RAD18: variants seen among roughly 807,000 people sequenced by gnomAD.
RAD18 encodes the protein RAD18 E3 ubiquitin protein ligase.
In RAD18, 47 loss-of-function variants were observed where a neutral mutation model predicts 60.4. The observed-to-expected ratio is 0.78, with a 90% CI of 0.62 to 0.99. The LOEUF is 0.99. Among genes scored for constraint, RAD18 ranks in the 50% least tolerant of loss-of-function variants. RAD18 has a pLI of 0.00. For missense variants in RAD18, 640 were observed against 593.3 expected (o/e 1.08, Z -0.82); for synonymous variants, 225 against 195.5 (o/e 1.15, Z -1.26).
At chr3:8,916,921 C>T (rs1425696981) in intron 7 of RAD18, among the ~76,000 whole-genome samples, 1 of 151,938 alleles carries the variant, frequency 6.6e-6, no homozygotes. Context: ...GAGAAGAAAT[C>T]GTTGAAGAAC....
At chr3:8,916,439 G>A (rs1940201219) in intron 7 of RAD18, among the ~76,000 whole-genome samples, 1 of 152,140 alleles carries the variant, frequency 6.6e-6, no homozygotes, top group South Asian at 2.1e-4. Context: ...CAGGCTCATA[G>A]GGAAAACCTA....
intron 6 of RAD18, 103 bp downstream of exon 6, chr3:8,939,451 G>C: frequency 1.1e-6 from 1 of 928,006 alleles, no homozygotes; most frequent in South Asian, 1.7e-5. Flanking sequence ...GTAAGAGCAG[G>C]AAATACGGTC....
chr3:8,945,468 C>CTTTTTTT (rs375744764), intron 4 of RAD18, among the ~76,000 whole-genome samples: 116 of 96,390 alleles, frequency 1.2e-3, no homozygotes, highest in South Asian at 2.6e-3. Flanking sequence ...TTTCCATCTT[C>CTTTTTTT]TTTTTTTTTT....
At chr3:8,922,250 T>C (rs1480930270) in intron 7 of RAD18, among the ~76,000 whole-genome samples, 1 of 152,248 alleles carries the variant, frequency 6.6e-6, no homozygotes, top group Non-Finnish European at 1.5e-5. Context: ...ACTACTGCAC[T>C]TCTCCAACGG....
intron 7 of RAD18, among the ~76,000 whole-genome samples, chr3:8,917,430 G>A (rs1056905032): frequency 3.9e-5 from 6 of 152,066 alleles, no homozygotes; most frequent in Non-Finnish European, 8.8e-5. Context: ...TACTCTAAAA[G>A]ATAACTGTTT....
intron 12 of RAD18, among the ~76,000 whole-genome samples, chr3:8,885,808 G>A (rs1487747442): frequency 6.6e-6 from 1 of 152,178 alleles, no homozygotes; most frequent in African/African-American, 2.4e-5. Flanking sequence ...TGTTCATTCT[G>A]GGGTGGAGAC....
chr3:8,959,841 C>A, intron 1 of RAD18, among the ~76,000 whole-genome samples: 1 of 145,556 alleles, frequency 6.9e-6, no homozygotes, highest in African/African-American at 2.6e-5. Context: ...CACATCGCAC[C>A]ACTATACTCC....
At chr3:8,913,826 T>C in intron 7 of RAD18, 106 bp from the exon 8 acceptor site, 1 of 597,770 alleles carries the variant, frequency 1.7e-6, no homozygotes, top group South Asian at 3.6e-5. Flanking sequence ...GTGATGGGTA[T>C]ATGTGAACTC....
intron 11 of RAD18, among the ~76,000 whole-genome samples, chr3:8,892,165 A>G (rs1200921158): frequency 6.6e-6 from 1 of 152,216 alleles, no homozygotes; most frequent in East Asian, 1.9e-4. Context: ...CTGGGGTCAG[A>G]GCATATACAA....
rs761573964 is a variant in RAD18, at chr3:8,939,634, C to T, written c.624G>A (p.Gly208=). ...QVTKVDCPVC[G]VNIPESHINK... ...TAATGTGACTTTCTGGAATGTTAACCCCGCAAACAGGACAATCCACTGTAT... is the reference window on the plus strand; with the variant it reads ...TAATGTGACTTTCTGGAATGTTAACTCCGCAAACAGGACAATCCACTGTAT... The change falls in exon 6 of 13, where the codon GGG becomes GGA. Residue 208 remains glycine (G), a synonymous_variant. Coordinates refer to ENST00000264926, the MANE Select transcript of RAD18 (RefSeq NM_020165.4). The T allele has an allele frequency of 6.2e-7, 1 of 1,611,958 alleles. No individual in the cohort carries two copies. Among genetic ancestry groups the T allele is most frequent in the East Asian group, 2.2e-5 (1 of 44,810 alleles).
chr3:8,933,606 T>C (rs1940598263), intron 7 of RAD18, among the ~76,000 whole-genome samples: 1 of 152,186 alleles, frequency 6.6e-6, no homozygotes, highest in Non-Finnish European at 1.5e-5. Flanking sequence ...CGTGTACCAC[T>C]GCATCAAAAA....
At chr3:8,918,036 G>T (rs1940238103) in intron 7 of RAD18, among the ~76,000 whole-genome samples, 1 of 152,158 alleles carries the variant, frequency 6.6e-6, no homozygotes, top group African/African-American at 2.4e-5. Flanking sequence ...TGAAATTAGG[G>T]GCCGGGCGCA....
intron 6 of RAD18, among the ~76,000 whole-genome samples, chr3:8,937,780 C>T (rs1417983335): frequency 2.0e-5 from 3 of 152,170 alleles, no homozygotes; most frequent in Non-Finnish European, 4.4e-5. Flanking sequence ...TAGGACTTCT[C>T]AAAGCCTTTA....
intron 6 of RAD18, among the ~76,000 whole-genome samples, chr3:8,938,131 T>C (rs774963300): frequency 2.0e-5 from 3 of 152,174 alleles, no homozygotes; most frequent in Non-Finnish European, 4.4e-5. Flanking sequence ...AAATAATCCT[T>C]AGGACTATTC....
chr3:8,889,149 C>T (rs1939636403), intron 12 of RAD18, among the ~76,000 whole-genome samples: 1 of 152,190 alleles, frequency 6.6e-6, no homozygotes, highest in East Asian at 1.9e-4. Flanking sequence ...CCCAGTGATT[C>T]AGCTATGAAA....
chr3:8,959,481 C>T (rs1206786371), intron 1 of RAD18, among the ~76,000 whole-genome samples: 1 of 152,186 alleles, frequency 6.6e-6, no homozygotes, highest in African/African-American at 2.4e-5. Context: ...AAACTGGTAT[C>T]AAAAGCAGGC....
intron 7 of RAD18, among the ~76,000 whole-genome samples, chr3:8,925,564 G>C (rs1189867094): frequency 6.6e-6 from 1 of 152,112 alleles, no homozygotes; most frequent in African/African-American, 2.4e-5. Context: ...CATTTTATGA[G>C]ACCAGCATCA....
At position 8,878,736 on chromosome 3, in the gene RAD18, G is replaced by C. The variant is rs1939407236; in HGVS notation, c.*2621C>G. 6.6e-6 allele frequency: 1 copy of C among 152,188 alleles called. No individual in the cohort carries two copies. The highest frequency in any genetic ancestry group is 2.1e-4 in the South Asian group (1 of 4,822). The allele number at this position is 152,188 out of a possible 1,614,324, so 9.4% of individuals were successfully genotyped here. On this transcript the variant is annotated 3_prime_UTR_variant, in exon 13 of 13. Coordinates refer to ENST00000264926, the MANE Select transcript of RAD18 (RefSeq NM_020165.4). ...AGAGTAGAGGATGAAAGGACGGCCT[G>C]GCATACTAGGCCATCTAAAGTGCAT...
At chr3:8,890,172 T>G (rs1049862965) in intron 12 of RAD18, 5 of 542,212 alleles carry the variant, frequency 9.2e-6, no homozygotes, top group Admixed American at 3.1e-5. Flanking sequence ...CATACAGAAA[T>G]AACATCTGAT....
Sources: allele counts gnomAD v4.1 joint callset (sites outside exome capture counted in the v4.1 genomes callset), GRCh38; gene constraint gnomAD v4.1.1; transcripts MANE v1.5; gene names NCBI Gene and HGNC (gene_info 2026-07-23, HGNC 2026-07-21).